Variants in COL22A1 observed in about 807,000 individuals in gnomAD.
The protein encoded by COL22A1 is collagen type XXII alpha 1 chain, also known as collagen alpha-1(XXII) chain.
COL22A1 carries 221 observed loss-of-function variants against 248.9 expected under a neutral mutation model. The observed-to-expected ratio is 0.89, with a 90% confidence interval of 0.80 to 0.99. The LOEUF (loss-of-function observed/expected upper bound fraction) is 0.99, where lower values mean the gene tolerates loss of function less well. COL22A1 is among the 50% of genes least tolerant of loss of function. The pLI, the probability that COL22A1 is intolerant of heterozygous loss-of-function variation, is 0.00. For synonymous variants in COL22A1, 891 were observed against 793.4 expected, an observed-to-expected ratio of 1.12 and a Z score of -2.07; for missense variants, 2,240 against 2,179.0, an observed-to-expected ratio of 1.03 and a Z score of -0.56.
intron 60 of COL22A1, among the ~76,000 whole-genome samples, 154 bp from the exon 61 acceptor site, chr8:138,599,052 C>T (rs778224684): frequency 1.3e-5 from 2 of 152,150 alleles, no homozygotes; most frequent in Non-Finnish European, 1.5e-5. Flanking sequence ...TGAGAAGAGC[C>T]CCAGAATCCA....
At chr8:138,825,389 G>T (rs1366569845) in intron 6 of COL22A1, among the ~76,000 whole-genome samples, 2 of 152,130 alleles carry the variant, frequency 1.3e-5, no homozygotes, top group African/African-American at 4.8e-5. Context: ...CACAGATGTG[G>T]GAACCTGAAT....
intron 22 of COL22A1, among the ~76,000 whole-genome samples, chr8:138,744,426 G>A (rs1831941642): frequency 6.6e-6 from 1 of 151,938 alleles, no homozygotes; most frequent in Non-Finnish European, 1.5e-5. Context: ...GCACAGCAAG[G>A]ACAGTTAACT....
rs753985767 is a variant in COL22A1, at chr8:138,626,211, T to C, written c.3696A>G (p.Pro1232=). The part of the protein sequence containing the change: ...GKEGPPGPQG[P]SGLPGIPGEE... ...TTACTGGGATTCCGGGTAATCCAGATGGGCCTTGGGGGCCAGGAGGGCCTT... is the reference window on the plus strand; with the variant it reads ...TTACTGGGATTCCGGGTAATCCAGACGGGCCTTGGGGGCCAGGAGGGCCTT... Residue 1232 remains proline (P), a synonymous_variant, in exon 51 of 65, where the codon CCA becomes CCG. Transcript: ENST00000303045. The C allele has an allele frequency of 6.2e-6, 10 of 1,606,626 alleles. No homozygotes were observed. Among genetic ancestry groups the C allele is most frequent in the Non-Finnish European group, 7.6e-6 (9 of 1,177,658 alleles).
intron 63 of COL22A1, 71 bp from the exon 64 acceptor site, chr8:138,591,572 G>T: frequency 1.6e-6 from 2 of 1,252,766 alleles, no homozygotes; most frequent in Non-Finnish European, 1.1e-6. Context: ...GTCCCACCTT[G>T]CGGGAGGTGC....
intron 5 of COL22A1, among the ~76,000 whole-genome samples, chr8:138,827,720 C>A (rs73366857): frequency 6.6e-6 from 1 of 151,864 alleles, no homozygotes; most frequent in South Asian, 2.1e-4. Flanking sequence ...TCAATCCCCC[C>A]CACCGAGAAC....
intron 52 of COL22A1, among the ~76,000 whole-genome samples, chr8:138,622,833 G>T (rs576777967): frequency 6.6e-6 from 1 of 152,060 alleles, no homozygotes; most frequent in South Asian, 2.1e-4. Context: ...ATTCTATGGG[G>T]TGGACAGCTC....
chr8:138,640,539 C>T (rs1821590261), intron 47 of COL22A1, among the ~76,000 whole-genome samples: 1 of 152,094 alleles, frequency 6.6e-6, no homozygotes, highest in Admixed American at 6.6e-5. Context: ...ATCCTGCCTC[C>T]TCCAGGTGGC....
chr8:138,751,565 G>T, intron 21 of COL22A1, 54 bp from the exon 22 acceptor site: 2 of 1,270,582 alleles, frequency 1.6e-6, no homozygotes, highest in African/African-American at 3.0e-5. Context: ...TAAATGCAGG[G>T]CTCAATGGCA....
intron 3 of COL22A1, among the ~76,000 whole-genome samples, chr8:138,864,746 C>T (rs552899494): frequency 2.3e-4 from 35 of 152,272 alleles, no homozygotes; most frequent in African/African-American, 7.5e-4. Context: ...GATGGAGGTG[C>T]TTGGCTCCAC....
intron 1 of COL22A1, among the ~76,000 whole-genome samples, chr8:138,902,991 A>G (rs1814732488): frequency 6.6e-6 from 1 of 152,148 alleles, no homozygotes; most frequent in Non-Finnish European, 1.5e-5. Context: ...CTAATCACCC[A>G]TGGATCAGAC....
chr8:138,755,374 T>G, intron 20 of COL22A1, 108 bp downstream of exon 20: 1 of 1,332,194 alleles, frequency 7.5e-7, no homozygotes, highest in Non-Finnish European at 1.1e-6. Context: ...GAAAGGCAAC[T>G]GAAGTCTGAA....
chr8:138,871,941 A>G (rs760166968), intron 3 of COL22A1, among the ~76,000 whole-genome samples: 1 of 152,204 alleles, frequency 6.6e-6, no homozygotes, highest in Non-Finnish European at 1.5e-5. Context: ...GAGCCCCTCC[A>G]TAAGTATCAG....
chr8:138,865,465 TG>T (rs1563860086), intron 3 of COL22A1, among the ~76,000 whole-genome samples: 22 of 146,688 alleles, frequency 1.5e-4, no homozygotes, highest in African/African-American at 6.0e-4. Flanking sequence ...TGAGTGTATG[TG>T]TGTATCTTAT....
chr8:138,686,294 C>G (rs889182619), intron 37 of COL22A1, among the ~76,000 whole-genome samples: 1 of 152,180 alleles, frequency 6.6e-6, no homozygotes, highest in Admixed American at 6.5e-5. Flanking sequence ...GCTTCATCTT[C>G]TCTGACGACA....
At chr8:138,608,301 C>T (rs1459075083) in intron 56 of COL22A1, among the ~76,000 whole-genome samples, 1 of 152,228 alleles carries the variant, frequency 6.6e-6, no homozygotes, top group Non-Finnish European at 1.5e-5. Context: ...TTCATCTATT[C>T]ATCCATCCAT....
At chr8:138,878,438 T>C (rs1823920523) in intron 2 of COL22A1, 122 bp from the exon 3 acceptor site, 3 of 848,674 alleles carry the variant, frequency 3.5e-6, no homozygotes, top group East Asian at 5.9e-5. Flanking sequence ...CTGTCTCTCA[T>C]GACCCAAGGG....
At chr8:138,594,881 G>A (rs1354825364) in intron 62 of COL22A1, among the ~76,000 whole-genome samples, 1 of 152,048 alleles carries the variant, frequency 6.6e-6, no homozygotes, top group African/African-American at 2.4e-5. Context: ...TAAGCTAAAG[G>A]GCTGGACATG....
chr8:138,589,462 A>G, intron 64 of COL22A1, 22 bp from the exon 65 acceptor site: 1 of 1,489,824 alleles, frequency 6.7e-7, no homozygotes, highest in Non-Finnish European at 8.9e-7. Context: ...AGCAAAAGAA[A>G]CAGAAGGTGG....
At chr8:138,829,298 G>A (rs1187758232) in intron 5 of COL22A1, among the ~76,000 whole-genome samples, 1 of 152,076 alleles carries the variant, frequency 6.6e-6, no homozygotes, top group Non-Finnish European at 1.5e-5. Flanking sequence ...GGAGGAAGAT[G>A]GGGCCTCCCC....
Sources: gnomAD v4.1 joint callset for allele counts (sites outside exome capture counted in the v4.1 genomes callset) on GRCh38, gnomAD v4.1.1 for gene constraint, MANE v1.5 for transcripts, NCBI Gene and HGNC (gene_info 2026-07-23, HGNC 2026-07-21) for gene names.